NRG1: variants seen among roughly 807,000 people sequenced by gnomAD.
NRG1 encodes the protein neuregulin 1.
A neutral mutation model predicts 63.8 loss-of-function variants in NRG1; 18 were observed. That is an observed-to-expected ratio of 0.28 (90% CI 0.19 to 0.42). NRG1 has a LOEUF of 0.42. Among genes scored for constraint, NRG1 ranks in the 10% least tolerant of loss-of-function variants. The pLI is 1.00. For missense variants in NRG1, 762 were observed against 814.7 expected, an observed-to-expected ratio of 0.94 and a Z score of 0.79; for synonymous variants, 302 against 301.3, an observed-to-expected ratio of 1.00 and a Z score of -0.02.
intron 1 of NRG1, among the ~76,000 whole-genome samples, chr8:31,821,613 C>A (rs2129603608): frequency 6.6e-6 from 1 of 152,156 alleles, no homozygotes; most frequent in East Asian, 1.9e-4. Context: ...TAAACTCATG[C>A]CCAGAGTAGT....
At chr8:31,848,327 G>A (rs183472414) in intron 1 of NRG1, among the ~76,000 whole-genome samples, 7 of 152,222 alleles carry the variant, frequency 4.6e-5, no homozygotes, top group East Asian at 1.9e-4. Flanking sequence ...GCCTAAAAGT[G>A]CATTTTTCCT....
chr8:32,638,095 A>G (rs1269517730), intron 5 of NRG1, among the ~76,000 whole-genome samples: 5 of 152,218 alleles, frequency 3.3e-5, no homozygotes, highest in African/African-American at 9.6e-5. Flanking sequence ...AATTAAAAAG[A>G]AGGAGAAATA....
chr8:32,220,451 T>A (rs576687135), intron 1 of NRG1, among the ~76,000 whole-genome samples: 5 of 152,104 alleles, frequency 3.3e-5, no homozygotes, highest in Non-Finnish European at 5.9e-5. Context: ...GGTGGGAGCC[T>A]GGAAAGAAAA....
intron 5 of NRG1, among the ~76,000 whole-genome samples, chr8:32,687,648 C>T (rs1650173774): frequency 6.6e-6 from 1 of 152,088 alleles, no homozygotes; most frequent in African/African-American, 2.4e-5. Flanking sequence ...GTCGTTGCCT[C>T]TTCCATGAGG....
chr8:32,456,776 C>T (rs1821650849), intron 1 of NRG1, among the ~76,000 whole-genome samples: 1 of 152,110 alleles, frequency 6.6e-6, no homozygotes, highest in Non-Finnish European at 1.5e-5. Flanking sequence ...GGTTGGACCC[C>T]CCCAGCATCC....
At chr8:32,342,025 T>G (rs900143982) in intron 1 of NRG1, among the ~76,000 whole-genome samples, 1 of 152,226 alleles carries the variant, frequency 6.6e-6, no homozygotes, top group African/African-American at 2.4e-5. Flanking sequence ...ATTCTTGCTT[T>G]GCCATTTTTA....
chr8:32,158,448 G>GAT (rs36087607), intron 1 of NRG1, among the ~76,000 whole-genome samples: 2,937 of 62,134 alleles, frequency 0.047, 440 homozygotes, highest in Non-Finnish European at 0.066. Flanking sequence ...TGGTTTACAT[G>GAT]ATATATATAT....
chr8:32,562,005 G>A (rs986499749), intron 1 of NRG1, among the ~76,000 whole-genome samples: 16 of 152,090 alleles, frequency 1.1e-4, no homozygotes, highest in Non-Finnish European at 2.9e-5. Context: ...TCACATGGGT[G>A]TCCTAAAGAT....
At chr8:31,831,130 C>T (rs1440914949) in intron 1 of NRG1, among the ~76,000 whole-genome samples, 4 of 151,082 alleles carry the variant, frequency 2.6e-5, no homozygotes, top group Admixed American at 2.0e-4. Context: ...GAGACAGAGT[C>T]TCACTCTATC....
chr8:32,510,442 C>A (rs747185592), intron 1 of NRG1, among the ~76,000 whole-genome samples: 6 of 151,984 alleles, frequency 3.9e-5, no homozygotes, highest in Non-Finnish European at 8.8e-5. Flanking sequence ...ACAATATTTA[C>A]AAGTACCTGC....
chr8:32,670,806 A>G (rs2128893901), intron 5 of NRG1, among the ~76,000 whole-genome samples: 1 of 152,320 alleles, frequency 6.6e-6, no homozygotes, highest in Admixed American at 6.5e-5. Context: ...GGTTTGCTTA[A>G]AATCACACAT....
intron 1 of NRG1, among the ~76,000 whole-genome samples, chr8:31,760,028 C>T (rs1370061566): frequency 6.6e-6 from 1 of 152,122 alleles, no homozygotes. Context: ...GTAGCAGTTA[C>T]TTCCTCCTCT....
At chr8:32,373,954 G>GA (rs1048226999) in intron 1 of NRG1, among the ~76,000 whole-genome samples, 6 of 152,098 alleles carry the variant, frequency 3.9e-5, no homozygotes, top group African/African-American at 1.2e-4. Context: ...AACCTTCAAG[G>GA]AAAAAAAGTT....
intron 5 of NRG1, among the ~76,000 whole-genome samples, chr8:32,659,478 C>T (rs188608522): frequency 2.0e-5 from 3 of 152,234 alleles, no homozygotes; most frequent in Admixed American, 1.3e-4. Context: ...TGATCATGCA[C>T]CTAATTGGAA....
At chr8:32,105,705 G>C (rs1389420421) in intron 1 of NRG1, among the ~76,000 whole-genome samples, 2 of 152,080 alleles carry the variant, frequency 1.3e-5, no homozygotes, top group Non-Finnish European at 2.9e-5. Context: ...TATTTGCAAG[G>C]CTTATAAATA....
At chr8:32,557,238 A>G (rs970131486) in intron 1 of NRG1, among the ~76,000 whole-genome samples, 1 of 151,952 alleles carries the variant, frequency 6.6e-6, no homozygotes, top group Non-Finnish European at 1.5e-5. Context: ...CGATCTCCTG[A>G]CCTTGTGATT....
At chr8:32,593,675 C>G (rs1373969731) in intron 1 of NRG1, among the ~76,000 whole-genome samples, 1 of 150,846 alleles carries the variant, frequency 6.6e-6, no homozygotes, top group African/African-American at 2.5e-5. Flanking sequence ...AAATAAATCC[C>G]TTCACCAGGC....
chr8:32,003,175 G>T (rs370151975), intron 1 of NRG1, among the ~76,000 whole-genome samples: 1 of 151,912 alleles, frequency 6.6e-6, no homozygotes, highest in Non-Finnish European at 1.5e-5. Context: ...ATATTCTTTT[G>T]GAACAGCCTG....
intron 1 of NRG1, among the ~76,000 whole-genome samples, chr8:32,391,624 C>G (rs1251500730): frequency 1.3e-5 from 2 of 152,172 alleles, no homozygotes; most frequent in Non-Finnish European, 2.9e-5. Flanking sequence ...ATTTGGTTTT[C>G]CATTCCTGTG....
Sources: gnomAD v4.1 joint callset for allele counts (sites outside exome capture counted in the v4.1 genomes callset) on GRCh38, gnomAD v4.1.1 for gene constraint, MANE v1.5 for transcripts, NCBI Gene and HGNC (gene_info 2026-07-23, HGNC 2026-07-21) for gene names.